ARAP2: variants seen among roughly 807,000 people sequenced by gnomAD.
ARAP2 encodes the protein ArfGAP with RhoGAP domain, ankyrin repeat and PH domain 2.
Under a neutral mutation model 194.5 loss-of-function variants are expected in ARAP2, and 148 were observed. The observed-to-expected ratio is 0.76, with a 90% CI of 0.67 to 0.87. ARAP2 has a LOEUF of 0.87. Among genes scored for constraint, ARAP2 ranks in the 40% least tolerant of loss-of-function variants. ARAP2 has a pLI of 0.00. For missense variants in ARAP2, 2,128 were observed against 1,989.7 expected (o/e 1.07, Z -1.32); for synonymous variants, 695 against 683.5 (o/e 1.02, Z -0.26).
chr4:36,218,835 A>C (rs985785989), intron 2 of ARAP2, among the ~76,000 whole-genome samples: 1 of 152,244 alleles, frequency 6.6e-6, no homozygotes, highest in Non-Finnish European at 1.5e-5. Context: ...ACAGTTTATC[A>C]GTAACTCTTA....
intron 2 of ARAP2, among the ~76,000 whole-genome samples, chr4:36,226,196 T>C (rs1033028004): frequency 6.6e-6 from 1 of 151,982 alleles, no homozygotes; most frequent in Admixed American, 6.6e-5. Context: ...TACTAAATTA[T>C]TTACTACTAA....
At chr4:36,200,732 G>A (rs1435987634) in intron 6 of ARAP2, among the ~76,000 whole-genome samples, 2 of 152,120 alleles carry the variant, frequency 1.3e-5, no homozygotes, top group African/African-American at 4.8e-5. Context: ...AATTTTCTGT[G>A]CAAAAGTTCA....
chr4:36,127,649 G>A (rs1724280935), intron 21 of ARAP2, among the ~76,000 whole-genome samples: 1 of 151,786 alleles, frequency 6.6e-6, no homozygotes, highest in South Asian at 2.1e-4. Flanking sequence ...AAATATATGA[G>A]ACAAACACAT....
At chr4:36,075,937 C>T (rs908149398) in intron 31 of ARAP2, among the ~76,000 whole-genome samples, 2 of 152,140 alleles carry the variant, frequency 1.3e-5, no homozygotes, top group African/African-American at 4.8e-5. Context: ...CTGAAGATTA[C>T]TTCTCTCCTT....
rs550554253 is a variant in ARAP2, at chr4:36,238,042, A to G, written c.-160+6137T>C. On this transcript the variant is annotated intron_variant, in intron 1 of 32. Coordinates refer to ENST00000303965, the MANE Select transcript of ARAP2 (RefSeq NM_015230.4). Reference sequence around the variant, plus strand: ...TAGTCTGAGTGCTTAGCCCCCAGAAAAAGTATAAAACTGGTTGTTTGGCAT... The same window carrying G: ...TAGTCTGAGTGCTTAGCCCCCAGAAGAAGTATAAAACTGGTTGTTTGGCAT... Among the ~76,000 whole-genome samples the G allele has an allele frequency of 3.9e-5, 6 of 152,288 alleles. No homozygotes were observed. The South Asian group carries it at 1.2e-3, about 32-fold the overall frequency.
At chr4:36,193,687 C>G in intron 6 of ARAP2, 40 bp from the exon 7 acceptor site, 1 of 1,434,380 alleles carries the variant, frequency 7.0e-7, no homozygotes, top group Non-Finnish European at 9.7e-7. Context: ...ATTCAAGTAA[C>G]ATGAACTTAG....
intron 28 of ARAP2, among the ~76,000 whole-genome samples, chr4:36,088,024 G>A (rs1212540271): frequency 6.6e-6 from 1 of 152,032 alleles, no homozygotes; most frequent in Non-Finnish European, 1.5e-5. Flanking sequence ...AAAATGTACG[G>A]AACTCTGCTT....
At chr4:36,030,766 G>C (rs995612509) in intron 5 of ARAP2, among the ~76,000 whole-genome samples, 1 of 137,734 alleles carries the variant, frequency 7.3e-6, no homozygotes, top group Non-Finnish European at 1.6e-5. Flanking sequence ...TCTTTCTTAT[G>C]ATCAGTCAAC....
intron 2 of ARAP2, among the ~76,000 whole-genome samples, chr4:36,223,138 A>G (rs1282056805): frequency 1.3e-5 from 2 of 152,166 alleles, no homozygotes; most frequent in Non-Finnish European, 2.9e-5. Context: ...TGGGAAATAA[A>G]GCATGTATAT....
intron 15 of ARAP2, 117 bp from the exon 16 acceptor site, chr4:36,151,161 T>C: frequency 1.1e-6 from 1 of 921,026 alleles, no homozygotes; most frequent in South Asian, 1.9e-5. Flanking sequence ...ATTAATTTCC[T>C]ATTTCACATA....
At chr4:36,094,658 T>C (rs1200178410) in intron 27 of ARAP2, among the ~76,000 whole-genome samples, 2 of 152,172 alleles carry the variant, frequency 1.3e-5, no homozygotes, top group South Asian at 4.1e-4. Flanking sequence ...TGTGAAGGCA[T>C]GAAGTGTTAA....
At chr4:36,048,006 C>G (rs971761422) in intron 3 of ARAP2, among the ~76,000 whole-genome samples, 2 of 152,154 alleles carry the variant, frequency 1.3e-5, no homozygotes, top group African/African-American at 4.8e-5. Flanking sequence ...GCACTGAGAA[C>G]TCTGAATGCA....
chr4:36,076,230 T>G (rs1322576311), intron 31 of ARAP2, among the ~76,000 whole-genome samples: 1 of 152,142 alleles, frequency 6.6e-6, no homozygotes, highest in Non-Finnish European at 1.5e-5. Context: ...CTCTGCTGTA[T>G]GATGATTTTT....
chr4:36,020,920 T>C (rs934430789), intron 5 of ARAP2, among the ~76,000 whole-genome samples: 1 of 152,172 alleles, frequency 6.6e-6, no homozygotes, highest in African/African-American at 2.4e-5. Context: ...TTTTACAAGA[T>C]GGTATATACA....
chr4:36,177,343 T>C (rs539130671), intron 9 of ARAP2, among the ~76,000 whole-genome samples: 37 of 152,284 alleles, frequency 2.4e-4, no homozygotes, highest in Admixed American at 2.2e-3. Flanking sequence ...TGTGTATACA[T>C]ATATACCTTA....
chr4:36,228,837 A>T lies in ARAP2; in HGVS notation c.650T>A (p.Leu217His). Residue 217 changes from leucine to histidine, a missense_variant, in exon 2 of 33, where the codon CTT becomes CAT. Transcript: ENST00000303965. ...SKLPNADSEC[L>H]SFVGCSTSGT... ...TGATGTTGAACAGCCAACAAAAGAA[A>T]GGCATTCAGAGTCTGCATTAGGGAG... 6.2e-7 allele frequency: 1 copy of T among 1,614,164 alleles called. No individual in the cohort carries two copies.
At chr4:36,198,710 G>C (rs1337217329) in intron 6 of ARAP2, among the ~76,000 whole-genome samples, 2 of 152,244 alleles carry the variant, frequency 1.3e-5, no homozygotes, top group Non-Finnish European at 1.5e-5. Flanking sequence ...CTTGCTCTGA[G>C]ATAGGAGCAG....
chr4:36,190,203 A>C (rs1273526170), intron 7 of ARAP2, among the ~76,000 whole-genome samples: 1 of 152,224 alleles, frequency 6.6e-6, no homozygotes, highest in African/African-American at 2.4e-5. Flanking sequence ...TCCTGAAGAA[A>C]GCCTTTCTGA....
At chr4:36,058,576 AGTTT>A (rs1457765255) in intron 1 of ARAP2, among the ~76,000 whole-genome samples, 1 of 152,016 alleles carries the variant, frequency 6.6e-6, no homozygotes, top group African/African-American at 2.4e-5. Flanking sequence ...GCAACAGCCG[AGTTT>A]GTTTTTGTTT....
Sources: gnomAD v4.1 joint callset for allele counts (sites outside exome capture counted in the v4.1 genomes callset) on GRCh38, gnomAD v4.1.1 for gene constraint, MANE v1.5 for transcripts, NCBI Gene and HGNC (gene_info 2026-07-23, HGNC 2026-07-21) for gene names.